The following EYA3 variants were observed in gnomAD, a reference collection of about 807,000 sequenced individuals.
EYA3 encodes the protein EYA transcriptional coactivator and phosphatase 3.
In EYA3, 39 loss-of-function variants were observed where a neutral mutation model predicts 80.0. That is an observed-to-expected ratio of 0.49 (90% CI 0.38 to 0.64). The LOEUF (loss-of-function observed/expected upper bound fraction) is 0.64, where lower values mean the gene tolerates loss of function less well. EYA3 is among the 30% of genes least tolerant of loss of function. The pLI is 0.00. For missense variants in EYA3, 523 were observed against 676.1 expected, an observed-to-expected ratio of 0.77 and a Z score of 2.51; for synonymous variants, 206 against 232.8, an observed-to-expected ratio of 0.88 and a Z score of 1.05.
intron 16 of EYA3, among the ~76,000 whole-genome samples, chr1:27,984,589 A>G (rs1639526914): frequency 6.6e-6 from 1 of 152,196 alleles, no homozygotes; most frequent in Admixed American, 6.5e-5. Context: ...TGGATAATCC[A>G]GTTATCTTAG....
chr1:28,038,439 TAAAAAAAAAAAAAA>T (rs74525723), intron 5 of EYA3, among the ~76,000 whole-genome samples: 1 of 68,480 alleles, frequency 1.5e-5, no homozygotes, highest in East Asian at 3.5e-4. Context: ...GATTCTATCT[TAAAAAAAAAAAAAA>T]AAAAAAAAAA....
At chr1:28,049,239 T>C (rs931443106) in intron 2 of EYA3, among the ~76,000 whole-genome samples, 3 of 152,164 alleles carry the variant, frequency 2.0e-5, no homozygotes, top group African/African-American at 7.2e-5. Flanking sequence ...AGGTAAATAA[T>C]ACAGGCAAGC....
intron 7 of EYA3, among the ~76,000 whole-genome samples, chr1:28,023,095 G>GA (rs77197488): frequency 6.7e-6 from 1 of 149,296 alleles, no homozygotes; most frequent in African/African-American, 2.5e-5. Context: ...GGGGGGGGGG[G>GA]AAAACCAAAA....
chr1:28,002,119 T>C (rs903941039), intron 11 of EYA3, among the ~76,000 whole-genome samples: 1 of 152,042 alleles, frequency 6.6e-6, no homozygotes, highest in Non-Finnish European at 1.5e-5. Flanking sequence ...TTCTCCATGT[T>C]GGTCAGGCTG....
chr1:28,067,265 A>G (rs1207908784), intron 1 of EYA3, among the ~76,000 whole-genome samples: 1 of 152,224 alleles, frequency 6.6e-6, no homozygotes, highest in Non-Finnish European at 1.5e-5. Context: ...ACGAAAAATG[A>G]GAAACAAACA....
intron 10 of EYA3, 136 bp from the exon 11 acceptor site, chr1:28,004,555 C>A (rs556896337): frequency 4.7e-5 from 26 of 552,504 alleles, no homozygotes; most frequent in African/African-American, 3.2e-4. Flanking sequence ...ACAACCAATG[C>A]GTCAAAGAAG....
At position 27,993,366 on chromosome 1, in the gene EYA3, A is replaced by G. The variant is rs570330208; in HGVS notation, c.1303+34T>C. 19 of 1,590,838 alleles carry G rather than the reference A, an allele frequency of 1.2e-5. No homozygotes were observed. In the East Asian group the frequency reaches 2.5e-4, roughly 21 times the overall value. ...AAGAAAAGGAGGAAACCAGGAAGAA[A>G]CAGAGAATCAGACTGGTTATATGCC... On this transcript the variant is annotated intron_variant, in intron 14 of 17. Coordinates refer to ENST00000373871, the MANE Select transcript of EYA3 (RefSeq NM_001990.4).
Position 27,974,353 on chromosome 1 carries a change from T to C in EYA3, c.*113A>G. 2 of 631,140 alleles carry C rather than the reference T, an allele frequency of 3.2e-6. No individual in the cohort carries two copies. The highest frequency in any genetic ancestry group is 4.6e-5 in the South Asian group (2 of 43,894). The allele number at this position is 631,140 out of a possible 1,614,324, so 39.1% of individuals were successfully genotyped here. A position where few individuals can be genotyped will look rare whatever the true frequency, so the allele number is the denominator to read the frequency against. On this transcript the variant is annotated 3_prime_UTR_variant, in exon 18 of 18. Coordinates refer to ENST00000373871, the MANE Select transcript of EYA3 (RefSeq NM_001990.4). ...AGAGAAAGAGAGAAAGAGAGAGAGA[T>C]AGAGACAGAGACACAGAGAGAGACA...
chr1:28,007,623 C>T (rs143690733), intron 10 of EYA3, among the ~76,000 whole-genome samples: 7 of 151,902 alleles, frequency 4.6e-5, no homozygotes, highest in Non-Finnish European at 2.9e-5. Flanking sequence ...TGAGCCACTG[C>T]GCCCGGCCAA....
At chr1:28,023,361 G>T (rs1642575745) in intron 7 of EYA3, among the ~76,000 whole-genome samples, 1 of 152,148 alleles carries the variant, frequency 6.6e-6, no homozygotes, top group Non-Finnish European at 1.5e-5. Flanking sequence ...TTAACTGTGG[G>T]CTGTACATAG....
At chr1:28,033,690 T>G (rs1250522096) in intron 6 of EYA3, among the ~76,000 whole-genome samples, 4 of 150,500 alleles carry the variant, frequency 2.7e-5, no homozygotes, top group Non-Finnish European at 5.9e-5. Flanking sequence ...AGTCTTGCTC[T>G]GTCGCCCAGG....
At chr1:28,025,920 C>A (rs570775765) in intron 7 of EYA3, among the ~76,000 whole-genome samples, 1 of 152,148 alleles carries the variant, frequency 6.6e-6, no homozygotes, top group African/African-American at 2.4e-5. Context: ...CCACCACACC[C>A]GGCTACTTTT....
At chr1:28,082,368 T>C (rs1645459847) in intron 1 of EYA3, among the ~76,000 whole-genome samples, 1 of 152,116 alleles carries the variant, frequency 6.6e-6, no homozygotes, top group African/African-American at 2.4e-5. Context: ...GATTAAATTT[T>C]TTTATTTGGG....
At chr1:28,043,731 A>G (rs1205705598) in intron 3 of EYA3, among the ~76,000 whole-genome samples, 1 of 152,162 alleles carries the variant, frequency 6.6e-6, no homozygotes, top group Non-Finnish European at 1.5e-5. Flanking sequence ...CCAGCTACTC[A>G]GGAGGCTGAG....
chr1:28,081,156 A>C (rs1388276106), intron 1 of EYA3, among the ~76,000 whole-genome samples: 1 of 152,128 alleles, frequency 6.6e-6, no homozygotes, highest in Non-Finnish European at 1.5e-5. Flanking sequence ...TTTTTTTTGC[A>C]CAGAATGTGA....
chr1:27,987,450 C>G (rs1477692712), intron 16 of EYA3, among the ~76,000 whole-genome samples: 1 of 152,132 alleles, frequency 6.6e-6, no homozygotes, highest in Non-Finnish European at 1.5e-5. Context: ...CTTTGAGACC[C>G]TGCTTTTGGA....
intron 6 of EYA3, among the ~76,000 whole-genome samples, chr1:28,034,757 C>T (rs1643352224): frequency 6.6e-6 from 1 of 152,100 alleles, no homozygotes; most frequent in Non-Finnish European, 1.5e-5. Context: ...GAAAATTTTT[C>T]TAATTCGTAG....
Position 28,011,162 on chromosome 1 carries a change from ACT to A in EYA3, c.770-78_770-77del, listed in dbSNP as rs1641671489. ...ATCAGGGCAGGAAGAGGGTTAGTGG[ACT>A]CTCTGCCCTTGTGAGTCATAATGCA... On this transcript the variant is annotated intron_variant, in intron 9 of 17. Transcript: ENST00000373871. 2.0e-6 allele frequency: 3 copies of A among 1,481,538 alleles called. No homozygotes were observed. The Admixed American group carries it at 6.1e-5, about 30-fold the overall frequency. 91.8% of individuals were successfully genotyped at this position (1,481,538 alleles called of 1,614,324 possible).
intron 17 of EYA3, chr1:27,977,284 A>G (rs998459237): frequency 1.9e-6 from 3 of 1,548,100 alleles, no homozygotes; most frequent in African/African-American, 2.7e-5. Context: ...TACCAATCTC[A>G]TAGTTTATTA....
Sources: allele counts gnomAD v4.1 joint callset (sites outside exome capture counted in the v4.1 genomes callset), GRCh38; gene constraint gnomAD v4.1.1; transcripts MANE v1.5; gene names NCBI Gene and HGNC (gene_info 2026-07-23, HGNC 2026-07-21).